Variants in LPP observed in about 807,000 individuals in gnomAD.
LPP encodes lipoma-preferred partner.
Under a neutral mutation model 60.4 loss-of-function variants are expected in LPP, and 38 were observed. The observed-to-expected ratio is 0.63, with a 90% CI of 0.49 to 0.83. LPP has a LOEUF of 0.83. Among genes scored for constraint, LPP ranks in the 40% least tolerant of loss-of-function variants. The pLI is 0.00. For missense variants in LPP, 902 were observed against 783.6 expected, an observed-to-expected ratio of 1.15 and a Z score of -1.80; for synonymous variants, 328 against 290.8, an observed-to-expected ratio of 1.13 and a Z score of -1.30.
intron 1 of LPP, among the ~76,000 whole-genome samples, chr3:188,174,342 G>C (rs1722457962): frequency 6.6e-6 from 1 of 152,178 alleles, no homozygotes; most frequent in South Asian, 2.1e-4. Flanking sequence ...CTTCTTACAG[G>C]AATTAAAAAT....
intron 9 of LPP, among the ~76,000 whole-genome samples, chr3:188,791,694 T>C (rs903008032): frequency 1.3e-5 from 2 of 152,152 alleles, no homozygotes; most frequent in African/African-American, 4.8e-5. Context: ...GCCTGGCCAG[T>C]ACATTGCCAT....
chr3:188,393,740 T>C (rs1780249342), intron 3 of LPP, among the ~76,000 whole-genome samples: 1 of 152,208 alleles, frequency 6.6e-6, no homozygotes, highest in African/African-American at 2.4e-5. Context: ...TTACCTTCTC[T>C]TTTATATAAC....
At chr3:188,583,049 T>C (rs62291679) in intron 6 of LPP, among the ~76,000 whole-genome samples, 21,176 of 152,192 alleles carry the variant, frequency 0.14, 1,785 homozygotes, top group East Asian at 0.36. Flanking sequence ...TGTATTACTT[T>C]CCTGTCTAAT....
At chr3:188,798,639 G>A (rs1201349711) in intron 9 of LPP, among the ~76,000 whole-genome samples, 5 of 152,096 alleles carry the variant, frequency 3.3e-5, no homozygotes, top group South Asian at 2.1e-4. Flanking sequence ...AATGGCTTTC[G>A]GTACTGCTCA....
intron 7 of LPP, chr3:188,688,952 G>A (rs918433283): frequency 2.0e-6 from 1 of 492,612 alleles, no homozygotes; most frequent in Admixed American, 2.6e-5. Context: ...GTTCACATCT[G>A]TTAACTGCTC....
intron 7 of LPP, among the ~76,000 whole-genome samples, chr3:188,669,535 C>T (rs1856530238): frequency 6.6e-6 from 1 of 152,068 alleles, no homozygotes; most frequent in Non-Finnish European, 1.5e-5. Flanking sequence ...GAGATCGCAC[C>T]ACTGCACTCC....
rs960962085 is a variant in LPP, at chr3:188,735,526, A to T, written c.1241-24587A>T. ...CCTCCCGAGTAGCTGGGATTACAGG[A>T]GCCTGCCACCGTGCCCGGCTAATTT... On this transcript the variant is annotated intron_variant, in intron 8 of 11. Transcript: ENST00000617246. Among the ~76,000 whole-genome samples, 8 of 151,446 alleles carry T rather than the reference A, an allele frequency of 5.3e-5. No individual in the cohort carries two copies. The East Asian group carries it at 1.6e-3, about 30-fold the overall frequency.
chr3:188,511,117 C>CCTTCCTACCTGCTTCCCTCCTTT (rs1265542250), intron 5 of LPP, among the ~76,000 whole-genome samples: 2 of 118,400 alleles, frequency 1.7e-5, no homozygotes, highest in Non-Finnish European at 3.5e-5. Context: ...CTTCCTCCTT[C>CCTTCCTACCTGCTTCCCTCCTTT]CTTCCTACCT....
intron 7 of LPP, among the ~76,000 whole-genome samples, chr3:188,691,039 C>G (rs1216674793): frequency 6.6e-6 from 1 of 152,164 alleles, no homozygotes; most frequent in African/African-American, 2.4e-5. Context: ...TCCTGCCTGT[C>G]AGTTTAAGCT....
intron 9 of LPP, among the ~76,000 whole-genome samples, chr3:188,854,924 C>G (rs1763463033): frequency 6.6e-6 from 1 of 152,210 alleles, no homozygotes; most frequent in African/African-American, 2.4e-5. Flanking sequence ...TTTCTAGTCT[C>G]TGCTTGCAGA....
intron 3 of LPP, among the ~76,000 whole-genome samples, chr3:188,361,531 CCTCTCCTCT>C (rs1167835036): frequency 1.3e-4 from 17 of 133,792 alleles, no homozygotes; most frequent in Non-Finnish European, 2.4e-4. Context: ...CCTCTCCTCT[CCTCTCCTCT>C]CCTCCCCTCT....
chr3:188,643,830 T>C (rs762700425), intron 7 of LPP, among the ~76,000 whole-genome samples: 1 of 152,188 alleles, frequency 6.6e-6, no homozygotes, highest in Admixed American at 6.5e-5. Flanking sequence ...TGAAGTCTAC[T>C]GGGAAGAACC....
intron 6 of LPP, among the ~76,000 whole-genome samples, chr3:188,567,384 C>T (rs1388314053): frequency 1.3e-5 from 2 of 151,820 alleles, no homozygotes; most frequent in Non-Finnish European, 2.9e-5. Flanking sequence ...ATATCTTTCT[C>T]ACAGTTTAAT....
intron 2 of LPP, among the ~76,000 whole-genome samples, chr3:188,331,075 G>T (rs1000762808): frequency 6.6e-6 from 1 of 152,004 alleles, no homozygotes; most frequent in Admixed American, 6.6e-5. Flanking sequence ...AGTGATAGCT[G>T]ATTGACCCCT....
In LPP at chr3:188,853,854, C is replaced by T. The variant is rs539200055; in HGVS notation, c.1411-12346C>T. ...CTTTTTTTTTTTTCCTTTTCTTTTA[C>T]TCACCACAAACAACTCTAGAATGGC... is the stretch of plus-strand genomic sequence containing the variant. On this transcript the variant is annotated intron_variant, in intron 9 of 11. Transcript: ENST00000617246. 2.7e-4 allele frequency among the ~76,000 whole-genome samples: 40 copies of T among 150,394 alleles called. 1 individual carries two copies. Among genetic ancestry groups the T allele is most frequent in the African/African-American group, 8.8e-4 (36 of 40,866 alleles).
intron 5 of LPP, among the ~76,000 whole-genome samples, chr3:188,490,186 A>C (rs141130829): frequency 1.3e-3 from 200 of 152,336 alleles, no homozygotes; most frequent in South Asian, 7.7e-3. Context: ...GTATGTCTCA[A>C]GGAGTTGATG....
At chr3:188,241,227 T>C (rs1724645144) in intron 2 of LPP, among the ~76,000 whole-genome samples, 1 of 152,310 alleles carries the variant, frequency 6.6e-6, no homozygotes, top group Non-Finnish European at 1.5e-5. Flanking sequence ...AACCTGCTGT[T>C]ATCTGCGCAG....
chr3:188,882,803 ATC>A lies in LPP; in HGVS notation c.*8327_*8328del, dbSNP rs1770196081. 1.6e-5 allele frequency: 3 copies of A among 182,562 alleles called. No individual in the cohort carries two copies. The highest frequency in any genetic ancestry group is 2.4e-5 in the African/African-American group (1 of 42,462). The allele number at this position is 182,562 out of a possible 1,614,324, so 11.3% of individuals were successfully genotyped here. ...GCCCAGGCTGGAGTGCAGTGGCGCAATCTCGGCTCACTGCAAGCTCCGCTTCT... is the reference window on the plus strand; with the variant it reads ...GCCCAGGCTGGAGTGCAGTGGCGCAATCGGCTCACTGCAAGCTCCGCTTCT... On this transcript the variant is annotated 3_prime_UTR_variant, in exon 12 of 12. Transcript: ENST00000617246.
intron 2 of LPP, among the ~76,000 whole-genome samples, chr3:188,230,104 T>G (rs1039390844): frequency 1.3e-5 from 2 of 151,862 alleles, no homozygotes; most frequent in Non-Finnish European, 2.9e-5. Flanking sequence ...TTTTTTTTTT[T>G]GAGATGGAGT....
Sources: gnomAD v4.1 joint callset for allele counts (sites outside exome capture counted in the v4.1 genomes callset) on GRCh38, gnomAD v4.1.1 for gene constraint, MANE v1.5 for transcripts, NCBI Gene and HGNC (gene_info 2026-07-23, HGNC 2026-07-21) for gene names.